KCNH7: variants seen among roughly 807,000 people sequenced by gnomAD.
The protein encoded by KCNH7 is potassium voltage-gated channel subfamily H member 7, also known as voltage-gated inwardly rectifying potassium channel KCNH7.
A neutral mutation model predicts 120.8 loss-of-function variants in KCNH7; 49 were observed. That is an observed-to-expected ratio of 0.41 (90% CI 0.32 to 0.51). The LOEUF (loss-of-function observed/expected upper bound fraction) is 0.51, where lower values mean the gene tolerates loss of function less well. Ranked by LOEUF, KCNH7 falls within the 20% of genes least tolerant of loss-of-function variation. The pLI is 0.38. For missense variants in KCNH7, 1,097 were observed against 1,446.6 expected (o/e 0.76, Z 3.92); for synonymous variants, 547 against 516.1 (o/e 1.06, Z -0.81).
intron 15 of KCNH7, among the ~76,000 whole-genome samples, chr2:162,373,154 TA>T (rs1452037919): frequency 2.0e-5 from 3 of 152,146 alleles, no homozygotes; most frequent in Non-Finnish European, 4.4e-5. Context: ...GACTATTCCT[TA>T]GATTTCAAAG....
chr2:162,830,688 A>C (rs1250048655), intron 2 of KCNH7, among the ~76,000 whole-genome samples: 1 of 152,092 alleles, frequency 6.6e-6, no homozygotes, highest in Non-Finnish European at 1.5e-5. Context: ...TTGGGATGTG[A>C]TTAAGTCATA....
chr2:162,650,030 G>C (rs963399123), intron 2 of KCNH7, among the ~76,000 whole-genome samples: 9 of 152,118 alleles, frequency 5.9e-5, no homozygotes, highest in African/African-American at 2.2e-4. Flanking sequence ...ACTTAAATAA[G>C]CTACAGAGTT....
chr2:162,520,027 C>T (rs760940456), intron 3 of KCNH7, among the ~76,000 whole-genome samples: 1 of 151,602 alleles, frequency 6.6e-6, no homozygotes, highest in East Asian at 2.0e-4. Flanking sequence ...TTATCTCCAG[C>T]CCAGACCTCT....
At chr2:162,609,188 C>A (rs12692651) in intron 2 of KCNH7, among the ~76,000 whole-genome samples, 1 of 151,922 alleles carries the variant, frequency 6.6e-6, no homozygotes. Flanking sequence ...GTATCCTCTA[C>A]GTTCCCCATG....
chr2:162,638,602 G>A (rs1049749094), intron 2 of KCNH7, among the ~76,000 whole-genome samples: 11 of 152,122 alleles, frequency 7.2e-5, no homozygotes, highest in Non-Finnish European at 1.6e-4. Flanking sequence ...AATCAAAGTC[G>A]AAAGAAGCGT....
intron 2 of KCNH7, among the ~76,000 whole-genome samples, chr2:162,723,909 G>A (rs754350872): frequency 5.9e-5 from 9 of 152,072 alleles, no homozygotes; most frequent in Non-Finnish European, 8.8e-5. Flanking sequence ...TCAAATATAG[G>A]TTATTGTTAT....
At chr2:162,494,866 G>C (rs1690442844) in intron 6 of KCNH7, among the ~76,000 whole-genome samples, 1 of 152,090 alleles carries the variant, frequency 6.6e-6, no homozygotes, top group African/African-American at 2.4e-5. Context: ...CAGAACAAGA[G>C]TTAACTGAAT....
At chr2:162,763,659 G>C (rs1467325770) in intron 2 of KCNH7, among the ~76,000 whole-genome samples, 2 of 151,914 alleles carry the variant, frequency 1.3e-5, no homozygotes, top group Non-Finnish European at 2.9e-5. Context: ...GGAAGTTAGA[G>C]GGCTAGTAAT....
At chr2:162,445,137 T>G (rs1283450431) in intron 7 of KCNH7, among the ~76,000 whole-genome samples, 7 of 152,184 alleles carry the variant, frequency 4.6e-5, no homozygotes, top group African/African-American at 1.7e-4. Context: ...CGAGGAGGAT[T>G]ATGTTGTTCT....
intron 2 of KCNH7, among the ~76,000 whole-genome samples, chr2:162,563,091 G>A (rs1321787814): frequency 6.6e-6 from 1 of 152,186 alleles, no homozygotes; most frequent in African/African-American, 2.4e-5. Flanking sequence ...CTAAGTGAAA[G>A]ATGGCACATT....
intron 2 of KCNH7, among the ~76,000 whole-genome samples, chr2:162,803,026 G>A (rs868442064): frequency 6.6e-6 from 1 of 151,628 alleles, no homozygotes; most frequent in Non-Finnish European, 1.5e-5. Flanking sequence ...TTTAACCATA[G>A]CATTAATCCA....
intron 2 of KCNH7, among the ~76,000 whole-genome samples, chr2:162,592,541 A>G (rs1394319029): frequency 6.6e-6 from 1 of 152,062 alleles, no homozygotes; most frequent in Non-Finnish European, 1.5e-5. Flanking sequence ...ATTTAGCAGC[A>G]TGAACAGGTG....
At chr2:162,768,308 T>A (rs565684732) in intron 2 of KCNH7, among the ~76,000 whole-genome samples, 1 of 151,454 alleles carries the variant, frequency 6.6e-6, no homozygotes, top group Non-Finnish European at 1.5e-5. Flanking sequence ...CAAATTGTAA[T>A]CGTTTTGGAC....
In KCNH7 at chr2:162,626,563, A is replaced by T. The variant is rs1191551957; in HGVS notation, c.308-89483T>A. On this transcript the variant is annotated intron_variant, in intron 2 of 15. Coordinates refer to ENST00000332142, the MANE Select transcript of KCNH7 (RefSeq NM_033272.4). ...CCATGTCTGATATATGGTAATTTTT[A>T]AAAAGTTTGATGAGTATTGGACGCT... Among the ~76,000 whole-genome samples the T allele has an allele frequency of 3.3e-5, 5 of 152,270 alleles. No homozygotes were observed. In the East Asian group the frequency reaches 7.7e-4, roughly 24 times the overall value.
chr2:162,693,545 G>A (rs923749093), intron 2 of KCNH7, among the ~76,000 whole-genome samples: 7 of 152,278 alleles, frequency 4.6e-5, no homozygotes, highest in Admixed American at 4.6e-4. Flanking sequence ...GAGAGTGAAA[G>A]GTTATTTTCA....
intron 2 of KCNH7, among the ~76,000 whole-genome samples, chr2:162,805,556 T>A (rs1684509350): frequency 1.3e-5 from 2 of 152,060 alleles, no homozygotes; most frequent in Non-Finnish European, 2.9e-5. Flanking sequence ...GCTACAAGAA[T>A]GGCCATTATT....
rs185278713 is a variant in KCNH7, at chr2:162,826,425, T to A, written c.307+10112A>T. Among the ~76,000 whole-genome samples, 286 of 152,256 alleles carry A rather than the reference T, an allele frequency of 1.9e-3. 2 individuals carry two copies. The highest frequency in any genetic ancestry group is 6.7e-3 in the African/African-American group (279 of 41,566). ...GGATCTATCTGAACTCTTCTGACCA[T>A]TCACCTTTTCCCTTCTAGGCTAACT... On this transcript the variant is annotated intron_variant, in intron 2 of 15. Transcript: ENST00000332142.
intron 6 of KCNH7, among the ~76,000 whole-genome samples, chr2:162,489,082 G>T (rs1231757215): frequency 6.6e-6 from 1 of 152,136 alleles, no homozygotes; most frequent in East Asian, 1.9e-4. Context: ...TTATGTGATT[G>T]TATTGATATG....
intron 2 of KCNH7, among the ~76,000 whole-genome samples, chr2:162,776,425 A>G (rs1683241411): frequency 6.6e-6 from 1 of 152,154 alleles, no homozygotes; most frequent in Admixed American, 6.6e-5. Flanking sequence ...GAAAAGACAT[A>G]TTGATTTGAA....
Sources: gnomAD v4.1 joint callset for allele counts (sites outside exome capture counted in the v4.1 genomes callset) on GRCh38, gnomAD v4.1.1 for gene constraint, MANE v1.5 for transcripts, NCBI Gene and HGNC (gene_info 2026-07-23, HGNC 2026-07-21) for gene names.